Variants in ANXA8 observed in about 807,000 individuals in gnomAD.
ANXA8 encodes the protein VAC-beta.
ANXA8 carries 9 observed loss-of-function variants against 26.8 expected under a neutral mutation model. The observed-to-expected ratio is 0.34, with a 90% CI of 0.20 to 0.59. The LOEUF (loss-of-function observed/expected upper bound fraction) is 0.59, where lower values mean the gene tolerates loss of function less well. Ranked by LOEUF, ANXA8 falls within the 20% of genes least tolerant of loss-of-function variation. The pLI, the probability that ANXA8 is intolerant of heterozygous loss-of-function variation, is 0.84. For synonymous variants in ANXA8, 39 were observed against 94.8 expected, an observed-to-expected ratio of 0.41 and a Z score of 3.42; for missense variants, 83 against 238.5, an observed-to-expected ratio of 0.35 and a Z score of 4.29.
the ANXA8 span, among the ~76,000 whole-genome samples, chr10:47,952,357 T>C: frequency 6.7e-6 from 1 of 150,352 alleles, no homozygotes. Context: ...AATAATAATG[T>C]ACTTTAAAAT....
chr10:47,636,678 A>G, the ANXA8 span, among the ~76,000 whole-genome samples: 1 of 151,814 alleles, frequency 6.6e-6, no homozygotes, highest in Admixed American at 6.6e-5. Flanking sequence ...TTAAGAATTC[A>G]GCCTTTGAGC....
At chr10:47,587,284 T>C in the ANXA8 span, among the ~76,000 whole-genome samples, 4 of 149,142 alleles carry the variant, frequency 2.7e-5, no homozygotes, top group Admixed American at 2.6e-4. Flanking sequence ...CTACCTGCAA[T>C]ACCTGAGGAT....
At chr10:47,667,104 A>AG in the ANXA8 span, among the ~76,000 whole-genome samples, 6 of 152,116 alleles carry the variant, frequency 3.9e-5, no homozygotes, top group African/African-American at 1.4e-4. Context: ...GTTTTCTCAT[A>AG]GTGCCCAGCA....
chr10:47,604,568 TA>T, the ANXA8 span, among the ~76,000 whole-genome samples: 1 of 151,252 alleles, frequency 6.6e-6, no homozygotes, highest in Admixed American at 6.6e-5. Context: ...TATGCACAGA[TA>T]TTTTTAGTTC....
the ANXA8 span, chr10:47,758,093 T>TG: frequency 4.0e-4 from 359 of 901,894 alleles, 1 homozygote; most frequent in Admixed American, 8.5e-4. Context: ...GCTGGACACC[T>TG]GGGGGGGACA....
chr10:47,513,616 A>G, the ANXA8 span, among the ~76,000 whole-genome samples: 1 of 140,410 alleles, frequency 7.1e-6, no homozygotes, highest in Non-Finnish European at 1.5e-5. Context: ...TGGAGGCATG[A>G]CATTACCTGA....
the ANXA8 span, among the ~76,000 whole-genome samples, chr10:47,768,623 G>A: frequency 7.9e-5 from 12 of 151,352 alleles, no homozygotes; most frequent in African/African-American, 7.3e-5. Flanking sequence ...GGGTGTGCTC[G>A]GGGAGGGGGC....
the ANXA8 span, among the ~76,000 whole-genome samples, chr10:47,493,139 A>C: frequency 6.6e-6 from 1 of 151,172 alleles, no homozygotes; most frequent in Non-Finnish European, 1.5e-5. Context: ...GGCAGGGGTG[A>C]ATCGGGGCTT....
the ANXA8 span, among the ~76,000 whole-genome samples, chr10:47,520,952 T>C: frequency 8.2e-6 from 1 of 122,624 alleles, no homozygotes; most frequent in Non-Finnish European, 1.6e-5. Context: ...AGACAGTCTA[T>C]TTTATAGGCA....
rs1839436437 is a variant in ANXA8, at chr10:47,474,439, A to C, written c.553-41T>G. ...CCACAATAAGCCAGTGAGGGAGACC[A>C]GGGAGGTGAGGGACTGAGCCCCAGA... On this transcript the variant is annotated intron_variant, in intron 7 of 11. Transcript: ENST00000585281. 5 of 1,257,074 alleles carry C rather than the reference A, an allele frequency of 4.0e-6. No individual in the cohort carries two copies. In the Admixed American group the frequency reaches 1.0e-4, roughly 26 times the overall value. 77.9% of individuals were successfully genotyped at this position (1,257,074 alleles called of 1,614,324 possible). A position where few individuals can be genotyped will look rare whatever the true frequency, so the allele number is the denominator to read the frequency against.
chr10:47,976,973 G>T, the ANXA8 span, among the ~76,000 whole-genome samples: 12 of 75,470 alleles, frequency 1.6e-4, no homozygotes, highest in African/African-American at 5.3e-4. Context: ...CCATGTGCAC[G>T]TGCAGGGTTG....
At chr10:47,502,768 C>G in the ANXA8 span, 1 of 1,577,410 alleles carries the variant, frequency 6.3e-7, no homozygotes, top group South Asian at 1.1e-5. Flanking sequence ...CTGGGACTTG[C>G]TTTTACTGCT....
Position 47,468,573 on chromosome 10 carries a change from A to G in ANXA8, c.*274T>C. The G allele has an allele frequency of 1.8e-6, 1 of 568,032 alleles. No homozygotes were observed. 35.2% of individuals were successfully genotyped at this position (568,032 alleles called of 1,614,324 possible). On this transcript the variant is annotated 3_prime_UTR_variant, in exon 12 of 12. Coordinates refer to ENST00000585281, the MANE Select transcript of ANXA8 (RefSeq NM_001040084.3). ...AGGAAGGAATGATCCACAAGTCCCC[A>G]AGCCCTTCATGCTGAGGCATCTGTC...
At chr10:47,652,932 TTTATA>T in the ANXA8 span, among the ~76,000 whole-genome samples, 1 of 151,380 alleles carries the variant, frequency 6.6e-6, no homozygotes, top group Non-Finnish European at 1.5e-5. Flanking sequence ...GAGTAGTGAT[TTTATA>T]TTATATTTAT....
At chr10:47,676,653 C>A in the ANXA8 span, among the ~76,000 whole-genome samples, 1 of 151,636 alleles carries the variant, frequency 6.6e-6, no homozygotes, top group Non-Finnish European at 1.5e-5. Flanking sequence ...AGTCCAGGCA[C>A]GGTGGCTCAC....
At chr10:47,663,417 T>C in the ANXA8 span, among the ~76,000 whole-genome samples, 1 of 140,278 alleles carries the variant, frequency 7.1e-6, no homozygotes, top group Non-Finnish European at 1.5e-5. Context: ...GACAGAATCT[T>C]GCTCCATTGA....
At chr10:47,695,781 C>T in the ANXA8 span, among the ~76,000 whole-genome samples, 1 of 151,708 alleles carries the variant, frequency 6.6e-6, no homozygotes, top group Non-Finnish European at 1.5e-5. Flanking sequence ...ACACGTTTTG[C>T]TCTACCTACA....
the ANXA8 span, among the ~76,000 whole-genome samples, chr10:47,613,731 T>C: frequency 0.012 from 649 of 56,418 alleles, 4 homozygotes; most frequent in Non-Finnish European, 0.014. Flanking sequence ...GGGAAGGTTT[T>C]GGGATAAAAC....
intron 11 of ANXA8, among the ~76,000 whole-genome samples, chr10:47,470,167 T>C (rs1839284898): frequency 6.6e-6 from 1 of 152,078 alleles, no homozygotes; most frequent in African/African-American, 2.4e-5. Context: ...TTAATTTCAA[T>C]GCAGGAGTTT....
Sources: allele counts gnomAD v4.1 joint callset (sites outside exome capture counted in the v4.1 genomes callset), GRCh38; gene constraint gnomAD v4.1.1; transcripts MANE v1.5; gene names NCBI Gene and HGNC (gene_info 2026-07-23, HGNC 2026-07-21).